The following CACNA1B variants were observed in gnomAD, a reference collection of about 807,000 sequenced individuals.
CACNA1B encodes the protein voltage-dependent N-type calcium channel subunit alpha-1B.
In CACNA1B, 70 loss-of-function variants were observed where a neutral mutation model predicts 247.2. The observed-to-expected ratio is 0.28, with a 90% CI of 0.23 to 0.35. CACNA1B has a LOEUF of 0.35. Ranked by LOEUF, CACNA1B falls within the 10% of genes least tolerant of loss-of-function variation. The pLI, the probability that CACNA1B is intolerant of heterozygous loss-of-function variation, is 1.00. For missense variants in CACNA1B, 2,367 were observed against 3,197.4 expected, an observed-to-expected ratio of 0.74 and a Z score of 6.26; for synonymous variants, 1,231 against 1,294.4, an observed-to-expected ratio of 0.95 and a Z score of 1.05.
intron 38 of CACNA1B, among the ~76,000 whole-genome samples, chr9:138,103,176 C>A (rs887238085): frequency 2.0e-5 from 3 of 152,150 alleles, no homozygotes; most frequent in African/African-American, 4.8e-5. Flanking sequence ...TGTTTTTGTT[C>A]TGGGCTCAGA....
chr9:137,998,120 G>A (rs1222745340), intron 15 of CACNA1B, among the ~76,000 whole-genome samples: 1 of 152,090 alleles, frequency 6.6e-6, no homozygotes, highest in Non-Finnish European at 1.5e-5. Flanking sequence ...GGTGGGGGTT[G>A]CTGGGAGGTG....
intron 6 of CACNA1B, among the ~76,000 whole-genome samples, chr9:137,924,417 C>A (rs1433255319): frequency 6.7e-6 from 1 of 149,652 alleles, no homozygotes; most frequent in Non-Finnish European, 1.5e-5. Flanking sequence ...GTAGCTCCAA[C>A]ACCCCTTGTT....
At position 137,891,868 on chromosome 9, in the gene CACNA1B, C is replaced by T; in HGVS notation, c.530+8985C>T. On this transcript the variant is annotated intron_variant, in intron 3 of 46. Coordinates refer to ENST00000371372, the MANE Select transcript of CACNA1B (RefSeq NM_000718.4). This position sits in a 1 kb window ranked among gnomAD's most constrained non-coding sequence, Gnocchi z 4.3. ...ATTCCTAGCAGGTCACATGGTAGCA[C>T]CCCCCACCCAGTCCCTGCCCTCTTC... is the stretch of plus-strand genomic sequence containing the variant. 2 of 361,122 alleles carry T rather than the reference C, an allele frequency of 5.5e-6. No homozygotes were observed. The highest frequency in any genetic ancestry group is 7.4e-5 in the East Asian group (1 of 13,556). The allele number at this position is 361,122 out of a possible 1,614,324, so 22.4% of individuals were successfully genotyped here.
chr9:137,937,201 G>A (rs1278567106), intron 6 of CACNA1B, among the ~76,000 whole-genome samples: 1 of 151,858 alleles, frequency 6.6e-6, no homozygotes, highest in African/African-American at 2.4e-5. Flanking sequence ...CTTCACTTGA[G>A]GGGGTAAATT....
chr9:137,989,144 A>G (rs907846756), intron 15 of CACNA1B, among the ~76,000 whole-genome samples: 1 of 152,246 alleles, frequency 6.6e-6, no homozygotes, highest in Non-Finnish European at 1.5e-5. Context: ...CTTTAAACCG[A>G]ATATGCCTAA....
At chr9:137,902,098 CTTG>C (rs1269610546) in intron 3 of CACNA1B, among the ~76,000 whole-genome samples, 2 of 152,108 alleles carry the variant, frequency 1.3e-5, no homozygotes, top group African/African-American at 2.4e-5. Flanking sequence ...AAATCTGTAC[CTTG>C]TTGTCCTTTT....
chr9:137,914,875 G>T lies in CACNA1B; in HGVS notation c.775+69G>T. On this transcript the variant is annotated intron_variant, in intron 5 of 46. Transcript: ENST00000371372. This position sits in a 1 kb window ranked among gnomAD's most constrained non-coding sequence, Gnocchi z 4.3. ...TGCGTTCATCCAGGAGATGGGCACTGTTCTAGGTGCTAGAGGGGCCTTCTT... is the reference window on the plus strand; with the variant it reads ...TGCGTTCATCCAGGAGATGGGCACTTTTCTAGGTGCTAGAGGGGCCTTCTT... 9.0e-6 allele frequency: 14 copies of T among 1,558,776 alleles called. No homozygotes were observed. The highest frequency in any genetic ancestry group is 1.2e-5 in the Non-Finnish European group (14 of 1,148,034).
intron 3 of CACNA1B, among the ~76,000 whole-genome samples, chr9:137,895,566 G>C (rs1041679992): frequency 6.6e-6 from 1 of 152,096 alleles, no homozygotes; most frequent in Non-Finnish European, 1.5e-5. Context: ...TACATGTTTT[G>C]TTACATTTAC....
At chr9:137,949,550 G>A (rs868668200) in intron 6 of CACNA1B, among the ~76,000 whole-genome samples, 1 of 151,944 alleles carries the variant, frequency 6.6e-6, no homozygotes, top group African/African-American at 2.4e-5. Context: ...TGTGTGTGGA[G>A]AGGGAGATTT....
intron 26 of CACNA1B, among the ~76,000 whole-genome samples, chr9:138,055,793 G>A (rs1959473551): frequency 6.6e-6 from 1 of 152,174 alleles, no homozygotes; most frequent in East Asian, 1.9e-4. Context: ...TTGGGAGGCT[G>A]AGGTGGGTGG....
intron 18 of CACNA1B, among the ~76,000 whole-genome samples, chr9:138,016,410 G>C (rs968114375): frequency 6.6e-6 from 1 of 152,242 alleles, no homozygotes; most frequent in African/African-American, 2.4e-5. Flanking sequence ...AAGTCACTTG[G>C]AAATGGCTGG....
chr9:137,931,601 G>A (rs1468964454), intron 6 of CACNA1B, among the ~76,000 whole-genome samples: 1 of 151,890 alleles, frequency 6.6e-6, no homozygotes, highest in African/African-American at 2.4e-5. Flanking sequence ...ATAGGAGGCC[G>A]AGGGACTGAT....
At position 137,913,427 on chromosome 9, in the gene CACNA1B, G is replaced by A. The variant is rs1440853426; in HGVS notation, c.622+156G>A. 6.6e-6 allele frequency among the ~76,000 whole-genome samples: 1 copy of A among 152,144 alleles called. No homozygotes were observed. The highest frequency in any genetic ancestry group is 1.5e-5 in the Non-Finnish European group (1 of 68,030). On this transcript the variant is annotated intron_variant, in intron 4 of 46. Coordinates refer to ENST00000371372, the MANE Select transcript of CACNA1B (RefSeq NM_000718.4). This position sits in a 1 kb window ranked among gnomAD's most constrained non-coding sequence, Gnocchi z 5.2. The stretch of plus-strand genomic sequence containing the variant: ...CCAGGCAGGAGGAAGGGAGGAGCAG[G>A]CCTTTTTTGGCCTGTCACACCCTCC...
chr9:138,115,336 T>C (rs915194853), intron 41 of CACNA1B, among the ~76,000 whole-genome samples: 2 of 152,214 alleles, frequency 1.3e-5, no homozygotes, highest in Non-Finnish European at 1.5e-5. Context: ...GGAGATGCTG[T>C]AAGGGTCCCC....
At position 138,112,438 on chromosome 9, in the gene CACNA1B, G is replaced by A; in HGVS notation, c.5469G>A (p.Lys1823=). The A allele has an allele frequency of 6.2e-7, 1 of 1,613,842 alleles. No individual in the cohort carries two copies. The highest frequency in any genetic ancestry group is 1.1e-5 in the South Asian group (1 of 91,080). ...ATCAGTGTGACGCGGAGTTGAGGAA[G>A]GAGATTTCCGTTGTGTGGGCCAATC... is the stretch of plus-strand genomic sequence containing the variant. ...KQHQCDAELR[K]EISVVWANLP... Residue 1823 remains lysine (K), a synonymous_variant, in exon 40 of 47, where the codon AAG becomes AAA. Transcript: ENST00000371372.
intron 7 of CACNA1B, among the ~76,000 whole-genome samples, chr9:137,953,828 T>G (rs1411063367): frequency 6.6e-6 from 1 of 152,022 alleles, no homozygotes; most frequent in Non-Finnish European, 1.5e-5. Flanking sequence ...ACAGGGGCTG[T>G]CAGGGGGCTG....
chr9:137,896,287 C>G (rs1418185689), intron 3 of CACNA1B, among the ~76,000 whole-genome samples: 1 of 149,294 alleles, frequency 6.7e-6, no homozygotes, highest in African/African-American at 2.4e-5. Flanking sequence ...TGTAGTTGCT[C>G]TTTATTAAGT....
At chr9:138,095,032 C>T (rs375626102) in intron 36 of CACNA1B, among the ~76,000 whole-genome samples, 15 of 152,246 alleles carry the variant, frequency 9.9e-5, no homozygotes, top group African/African-American at 3.4e-4. Context: ...AAGGATAAAT[C>T]TTCAGGACCT....
chr9:137,929,788 A>C (rs1957588966), intron 6 of CACNA1B, among the ~76,000 whole-genome samples: 1 of 151,690 alleles, frequency 6.6e-6, no homozygotes, highest in Admixed American at 6.6e-5. Context: ...AGAGTAGCCA[A>C]GACCACAGGT....
Sources: gnomAD v4.1 joint callset for allele counts (sites outside exome capture counted in the v4.1 genomes callset) on GRCh38, gnomAD v4.1.1 for gene constraint, Gnocchi (gnomAD v3.1) non-coding constraint, MANE v1.5 for transcripts, NCBI Gene and HGNC (gene_info 2026-07-23, HGNC 2026-07-21) for gene names.